Variants in BTG4 observed in about 807,000 individuals in gnomAD.
BTG4 encodes the protein BTG anti-proliferation factor 4, also known as protein BTG4.
Under a neutral mutation model 19.3 loss-of-function variants are expected in BTG4, and 10 were observed. That is an observed-to-expected ratio of 0.52 (90% CI 0.32 to 0.88). The LOEUF is 0.88. BTG4 is among the 40% of genes least tolerant of loss of function. The pLI is 0.04. For synonymous variants in BTG4, 91 were observed against 95.7 expected (o/e 0.95, Z 0.29); for missense variants, 238 against 281.9 (o/e 0.84, Z 1.11).
At chr11:111,467,627 G>C (rs746965581) in exon 6 of BTG4, 1 of 760,660 alleles carries the variant, frequency 1.3e-6, no homozygotes, top group South Asian at 1.4e-5. Flanking sequence ...GCCTTCCAAG[G>C]TGCCTTCTTC....
the BTG4 span, chr11:111,384,989 A>G: frequency 6.6e-6 from 1 of 152,158 alleles, no homozygotes; most frequent in African/African-American, 2.4e-5. Context: ...ATCAATAGGG[A>G]CAAATAAACA....
rs138340224 is a variant in BTG4 at position 111,497,226 on chromosome 11, C to T, written c.495G>A (p.Pro165=). The change falls in exon 4 of 5, where the codon CCG becomes CCA. Residue 165 remains proline, a synonymous_variant. Transcript: ENST00000692032. The part of the protein sequence containing the change: ...EPRVIPKVSN[P]KSIYQVENLK... The stretch of plus-strand genomic sequence containing the variant: ...CACTCTTGACCTGATAAATACTCTT[C>T]GGATTGCTGACTTTAGGAATGACAC... The T allele has an allele frequency of 1.1e-5, 18 of 1,613,000 alleles. No individual in the cohort carries two copies. The highest frequency in any genetic ancestry group is 1.1e-4 in the African/African-American group (8 of 74,848).
chr11:111,441,446 A>G, the BTG4 span, among the ~76,000 whole-genome samples: 1 of 151,832 alleles, frequency 6.6e-6, no homozygotes, highest in Non-Finnish European at 1.5e-5. Flanking sequence ...GGAACAGACC[A>G]CAGAGAATAC....
At chr11:111,432,225 G>A in the BTG4 span, among the ~76,000 whole-genome samples, 29 of 152,284 alleles carry the variant, frequency 1.9e-4, no homozygotes, top group African/African-American at 5.3e-4. Context: ...AGGGTATTTC[G>A]CTGTGGAGCC....
upstream of BTG4, chr11:111,512,430 C>G (rs1454149046): frequency 6.6e-6 from 1 of 152,174 alleles, no homozygotes; most frequent in Non-Finnish European, 1.5e-5. Flanking sequence ...TCGCGCCCGC[C>G]CCGCCCCTCG....
upstream of BTG4, among the ~76,000 whole-genome samples, chr11:111,513,283 T>A (rs1867083309): frequency 6.6e-6 from 1 of 152,218 alleles, no homozygotes; most frequent in Non-Finnish European, 1.5e-5. Flanking sequence ...CATGTAACGG[T>A]TAATACTGTA....
chr11:111,484,657 A>C (rs1227845089), intron 5 of BTG4, among the ~76,000 whole-genome samples: 1 of 152,138 alleles, frequency 6.6e-6, no homozygotes, highest in African/African-American at 2.4e-5. Context: ...ACACACACAA[A>C]AAAAAAGGAA....
chr11:111,464,625 A>C (rs1276063784), downstream of BTG4: 1 of 152,244 alleles, frequency 6.6e-6, no homozygotes, highest in African/African-American at 2.4e-5. Context: ...ATCTGGTCCC[A>C]AGCCCACAAG....
chr11:111,445,057 G>C, the BTG4 span, among the ~76,000 whole-genome samples: 1 of 152,202 alleles, frequency 6.6e-6, no homozygotes, highest in Non-Finnish European at 1.5e-5. Flanking sequence ...AAGAGAGATG[G>C]GGAGCCCAAC....
intron 1 of BTG4, among the ~76,000 whole-genome samples, chr11:111,509,601 C>A (rs1183194048): frequency 6.6e-6 from 1 of 151,296 alleles, no homozygotes; most frequent in African/African-American, 2.4e-5. Flanking sequence ...GAGTATGAGG[C>A]AAAAGAATCG....
the BTG4 span, among the ~76,000 whole-genome samples, chr11:111,453,827 C>T: frequency 0.18 from 27,638 of 152,188 alleles, 2,722 homozygotes; most frequent in Admixed American, 0.26. Flanking sequence ...ATAGTATAAC[C>T]GTGTACAAAG....
chr11:111,444,693 T>A, the BTG4 span, among the ~76,000 whole-genome samples: 1 of 152,122 alleles, frequency 6.6e-6, no homozygotes, highest in Non-Finnish European at 1.5e-5. Context: ...ACACCTACTA[T>A]GTACCTACAA....
At chr11:111,421,878 A>C in the BTG4 span, among the ~76,000 whole-genome samples, 1 of 151,752 alleles carries the variant, frequency 6.6e-6, no homozygotes, top group Non-Finnish European at 1.5e-5. Flanking sequence ...ATGCCACTGC[A>C]CTCCAGCCTG....
chr11:111,470,240 T>C (rs1426194679), intron 5 of BTG4, among the ~76,000 whole-genome samples: 2 of 152,128 alleles, frequency 1.3e-5, no homozygotes, highest in Non-Finnish European at 2.9e-5. Flanking sequence ...CACACCACCA[T>C]CCCGGCAAAT....
At chr11:111,421,103 G>A in the BTG4 span, among the ~76,000 whole-genome samples, 2 of 152,198 alleles carry the variant, frequency 1.3e-5, no homozygotes, top group African/African-American at 2.4e-5. Context: ...CAGAATCAAG[G>A]AACCAAGGTC....
chr11:111,499,827 T>A (rs192841283), intron 1 of BTG4, among the ~76,000 whole-genome samples: 2 of 152,272 alleles, frequency 1.3e-5, no homozygotes, highest in African/African-American at 4.8e-5. Context: ...TGATCTGGAC[T>A]CACTGTGTTT....
At chr11:111,404,794 C>A in the BTG4 span, 3 of 399,226 alleles carry the variant, frequency 7.5e-6, no homozygotes, top group African/African-American at 6.2e-5. Flanking sequence ...AGACCAGGAA[C>A]TGAATGGTAT....
the BTG4 span, chr11:111,457,381 G>A: frequency 2.6e-5 from 4 of 152,812 alleles, no homozygotes; most frequent in African/African-American, 9.7e-5. Flanking sequence ...CTGGGAGTCG[G>A]GTTGGATGAA....
chr11:111,401,307 A>C, the BTG4 span, among the ~76,000 whole-genome samples: 834 of 148,728 alleles, frequency 5.6e-3, 3 homozygotes, highest in Non-Finnish European at 7.8e-3. Context: ...AATGGTGAAA[A>C]CCCGTCTCTA....
Sources: gnomAD v4.1 joint callset for allele counts (sites outside exome capture counted in the v4.1 genomes callset) on GRCh38, gnomAD v4.1.1 for gene constraint, MANE v1.5 for transcripts, NCBI Gene and HGNC (gene_info 2026-07-23, HGNC 2026-07-21) for gene names.